LINGO3: variants seen among roughly 807,000 people sequenced by gnomAD.
LINGO3 encodes leucine-rich repeat and immunoglobulin-like domain-containing nogo receptor-interacting protein 3.
For synonymous variants in LINGO3, 427 were observed against 444.2 expected (o/e 0.96, Z 0.49); for missense variants, 750 against 867.7 (o/e 0.86, Z 1.70).
upstream of LINGO3, among the ~76,000 whole-genome samples, chr19:2,293,334 G>A (rs527750919): frequency 2.6e-5 from 4 of 151,386 alleles, no homozygotes; most frequent in African/African-American, 9.7e-5. Flanking sequence ...AAAGTGCTGG[G>A]ATTACAGGAG....
downstream of LINGO3, among the ~76,000 whole-genome samples, chr19:2,287,657 C>T (rs968780219): frequency 2.6e-5 from 4 of 152,204 alleles, no homozygotes; most frequent in Non-Finnish European, 4.4e-5. This position sits in a 1 kb window ranked among gnomAD's most constrained non-coding sequence, Gnocchi z 4.5. Flanking sequence ...TCTGGCTGAT[C>T]GATCTCAGAG....
At chr19:2,301,351 C>G in the LINGO3 span, among the ~76,000 whole-genome samples, 1 of 145,652 alleles carries the variant, frequency 6.9e-6, no homozygotes, top group Non-Finnish European at 1.5e-5. Context: ...TGGGCACTGC[C>G]GGGTGCTGAG....
chr19:2,305,659 AC>A, the LINGO3 span, among the ~76,000 whole-genome samples: 1 of 152,124 alleles, frequency 6.6e-6, no homozygotes, highest in African/African-American at 2.4e-5. Flanking sequence ...GGCCGGCCAA[AC>A]CCAGAGGGGG....
exon 1 of LINGO3, chr19:2,291,759 G>C (rs1457097630): frequency 2.2e-6 from 3 of 1,378,222 alleles, no homozygotes; most frequent in Non-Finnish European, 2.8e-6. Flanking sequence ...GGCTCAGGAC[G>C]CACAGCCAGC....
chr19:2,291,187 A>T lies in LINGO3; in HGVS notation c.590T>A (p.Leu197Gln), dbSNP rs1409077314. Residue 197 changes from leucine to glutamine, a missense_variant, in exon 1 of 1, where the codon CTG (leucine) becomes CAG (glutamine). Leu to Gln is a moderately radical substitution (Grantham distance 113, BLOSUM62 -2). Transcript: ENST00000585527. ...CAGCCGCAGGGCGCCCAGGCTGCGCAGATGGCCCAGCGACTCCCCGGACAG... is the reference window on the plus strand; with the variant it reads ...CAGCCGCAGGGCGCCCAGGCTGCGCTGATGGCCCAGCGACTCCCCGGACAG... The T allele has an allele frequency of 1.9e-6, 3 of 1,608,754 alleles. No homozygotes were observed. In the Admixed American group the frequency reaches 5.0e-5, roughly 27 times the overall value.
upstream of LINGO3, among the ~76,000 whole-genome samples, chr19:2,296,651 G>A (rs1261088569): frequency 6.6e-6 from 1 of 151,712 alleles, no homozygotes; most frequent in Non-Finnish European, 1.5e-5. Flanking sequence ...GCTAATTTTT[G>A]TATTTTTAGT....
chr19:2,293,758 C>T (rs1050510301), upstream of LINGO3, among the ~76,000 whole-genome samples: 8 of 151,478 alleles, frequency 5.3e-5, no homozygotes, highest in African/African-American at 9.7e-5. Flanking sequence ...ACTGTGTTCC[C>T]GCAAATGTTC....
chr19:2,291,359 T>C, exon 1 of LINGO3: 1 of 1,613,360 alleles, frequency 6.2e-7, no homozygotes. Context: ...TCCAGCAGGA[T>C]TACCAGCTTG....
At chr19:2,296,954 T>C (rs151029629), upstream of LINGO3, among the ~76,000 whole-genome samples, 6,708 of 150,830 alleles carry the variant, frequency 0.044, 329 homozygotes, top group East Asian at 0.22. Flanking sequence ...TAGCCGGGCG[T>C]GGTGGCGGGC....
At chr19:2,292,139 G>A (rs2025530833), upstream of LINGO3, 1 of 307,230 alleles carries the variant, frequency 3.3e-6, no homozygotes, top group Non-Finnish European at 6.3e-6. Context: ...AGTGAGATAT[G>A]CTTGTGCCAC....
exon 1 of LINGO3, chr19:2,291,721 G>T: frequency 2.2e-6 from 3 of 1,342,340 alleles, no homozygotes; most frequent in Non-Finnish European, 2.8e-6. Context: ...AGCCGGGGGC[G>T]GCGCCGCGGG....
At chr19:2,289,980 G>T (rs1489804118) in exon 1 of LINGO3, 8 of 1,495,014 alleles carry the variant, frequency 5.4e-6, no homozygotes, top group Non-Finnish European at 6.3e-6. Flanking sequence ...GGAGGGGAGG[G>T]TCCGCCCTGG....
the LINGO3 span, among the ~76,000 whole-genome samples, chr19:2,305,152 C>G: frequency 6.6e-6 from 1 of 152,080 alleles, no homozygotes; most frequent in East Asian, 1.9e-4. Flanking sequence ...AGAGGGAGGT[C>G]GCTCGAGGCC....
downstream of LINGO3, among the ~76,000 whole-genome samples, chr19:2,287,385 G>A (rs2025478119): frequency 6.6e-6 from 1 of 152,082 alleles, no homozygotes. The surrounding 1 kb of genome is among the most constrained non-coding windows in gnomAD (Gnocchi z 4.5). Flanking sequence ...ATTCTGGGGG[G>A]CCCTTGGGGT....
chr19:2,287,507 T>A (rs2025478776), downstream of LINGO3, among the ~76,000 whole-genome samples: 1 of 152,222 alleles, frequency 6.6e-6, no homozygotes, highest in Non-Finnish European at 1.5e-5. This position sits in a 1 kb window ranked among gnomAD's most constrained non-coding sequence, Gnocchi z 4.5. Flanking sequence ...TCGAGCCCCC[T>A]GGGCCATCTG....
chr19:2,303,395 C>T, the LINGO3 span, among the ~76,000 whole-genome samples: 1 of 151,766 alleles, frequency 6.6e-6, no homozygotes, highest in African/African-American at 2.4e-5. Context: ...CTGTGTTTGA[C>T]GGGCCCAGGG....
the LINGO3 span, among the ~76,000 whole-genome samples, chr19:2,302,305 C>A: frequency 6.6e-6 from 1 of 152,142 alleles, no homozygotes; most frequent in Non-Finnish European, 1.5e-5. Context: ...AGGTGATCAG[C>A]CCGCCCCAGC....
In LINGO3 at chr19:2,290,513, C is replaced by A. The variant is rs1158162805; in HGVS notation, c.1264G>T (p.Gly422Cys). ...CGGCAGAGGAAGCGGACGTCTTCGC[C>A]CGCGGTGGCCGTGACGCGCTGCAGC... is the stretch of plus-strand genomic sequence containing the variant. The change falls in exon 1 of 1, where the codon GGC (glycine) becomes TGC (cysteine). Residue 422 changes from glycine to cysteine, a missense_variant. Transcript: ENST00000585527. This position sits in a 1 kb window ranked among gnomAD's most constrained non-coding sequence, Gnocchi z 6.0. 6.0e-6 allele frequency: 9 copies of A among 1,506,308 alleles called. No homozygotes were observed. The highest frequency in any genetic ancestry group is 7.9e-6 in the Non-Finnish European group (9 of 1,132,184). The allele number at this position is 1,506,308 out of a possible 1,614,324, so 93.3% of individuals were successfully genotyped here.
the LINGO3 span, among the ~76,000 whole-genome samples, chr19:2,306,677 G>A: frequency 1.8e-4 from 28 of 152,222 alleles, no homozygotes; most frequent in Admixed American, 1.8e-3. Flanking sequence ...CTGAGAGAGG[G>A]GACGTCATTT....
Sources: gnomAD v4.1 joint callset for allele counts (sites outside exome capture counted in the v4.1 genomes callset) on GRCh38, gnomAD v4.1.1 for gene constraint, Gnocchi (gnomAD v3.1) non-coding constraint, MANE v1.5 for transcripts, NCBI Gene and HGNC (gene_info 2026-07-23, HGNC 2026-07-21) for gene names.